TRAF3: variants seen among roughly 807,000 people sequenced by gnomAD.
TRAF3 encodes TNF receptor associated factor 3, also known as TNF receptor-associated factor 3.
A neutral mutation model predicts 62.3 loss-of-function variants in TRAF3; 13 were observed. The ratio of observed to expected loss-of-function variants is 0.21; its 90% confidence interval spans 0.14 to 0.33. TRAF3 has a LOEUF of 0.33. TRAF3 is among the 10% of genes least tolerant of loss of function. TRAF3 has a pLI of 1.00. For missense variants in TRAF3, 440 were observed against 741.8 expected, an observed-to-expected ratio of 0.59 and a Z score of 4.73; for synonymous variants, 269 against 283.4, an observed-to-expected ratio of 0.95 and a Z score of 0.51.
chr14:102,898,919 G>A (rs1890136056), intron 10 of TRAF3, among the ~76,000 whole-genome samples: 2 of 152,248 alleles, frequency 1.3e-5, no homozygotes, highest in Non-Finnish European at 2.9e-5. Context: ...AGGATGGAGT[G>A]GTGACGGCAG....
rs559867214 is a variant in TRAF3, at chr14:102,838,242, G to A, written c.-18+7770G>A. ...AGACCAAATGCATACTGTGTGGCCA[G>A]CACCATTGTAAGTGCTGAGGATACA... is the stretch of plus-strand genomic sequence containing the variant. On this transcript the variant is annotated intron_variant, in intron 2 of 11. Coordinates refer to ENST00000392745, the MANE Select transcript of TRAF3 (RefSeq NM_145725.3). Among the ~76,000 whole-genome samples the A allele has an allele frequency of 6.6e-5, 10 of 152,364 alleles. No homozygotes were observed. The East Asian group carries it at 1.9e-3, about 29-fold the overall frequency.
intron 10 of TRAF3, among the ~76,000 whole-genome samples, chr14:102,901,105 C>G (rs139210894): frequency 2.6e-5 from 4 of 152,298 alleles, no homozygotes; most frequent in African/African-American, 9.6e-5. Context: ...TTTATTTAGT[C>G]GTGCTGGTCT....
In TRAF3 at chr14:102,861,397, G is replaced by A. The variant is rs201386524; in HGVS notation, c.-17-8788G>A. ...TTAGGAAGGACTCTAACCTTCCTAA[G>A]TTGGGCATCAAACCCAAGTTCAGTC... is the stretch of plus-strand genomic sequence containing the variant. On this transcript the variant is annotated intron_variant, in intron 2 of 11. Transcript: ENST00000392745. 5.3e-5 allele frequency among the ~76,000 whole-genome samples: 8 copies of A among 152,340 alleles called. No individual in the cohort carries two copies. In the East Asian group the frequency reaches 1.5e-3, roughly 29 times the overall value.
At chr14:102,883,516 T>A (rs1333339666) in intron 6 of TRAF3, among the ~76,000 whole-genome samples, 1 of 152,152 alleles carries the variant, frequency 6.6e-6, no homozygotes, top group Non-Finnish European at 1.5e-5. Flanking sequence ...AAGATGGATG[T>A]TATCAGTCAT....
At chr14:102,867,527 G>A (rs1888073502) in intron 2 of TRAF3, among the ~76,000 whole-genome samples, 1 of 152,134 alleles carries the variant, frequency 6.6e-6, no homozygotes, top group African/African-American at 2.4e-5. Context: ...GTGGCCTCCT[G>A]GAGAAGGTCG....
intron 2 of TRAF3, among the ~76,000 whole-genome samples, chr14:102,855,112 A>T (rs1887288753): frequency 6.6e-6 from 1 of 152,132 alleles, no homozygotes; most frequent in Non-Finnish European, 1.5e-5. Context: ...CTTCTGACTT[A>T]CTCACTTAGC....
At chr14:102,864,537 A>T (rs556238462) in intron 2 of TRAF3, among the ~76,000 whole-genome samples, 1 of 152,310 alleles carries the variant, frequency 6.6e-6, no homozygotes, top group South Asian at 2.1e-4. Flanking sequence ...TTTACTAGTC[A>T]TAATTTAAAT....
At chr14:102,789,746 TG>T (rs1169910188) in intron 1 of TRAF3, among the ~76,000 whole-genome samples, 1 of 152,144 alleles carries the variant, frequency 6.6e-6, no homozygotes, top group Non-Finnish European at 1.5e-5. Flanking sequence ...ATGTGACTCT[TG>T]GCCATTTGTG....
rs74082969 is a variant in TRAF3 at position 102,909,203 on chromosome 14, A to G, written c.*3419A>G. 5,598 of 152,332 alleles carry G rather than the reference A, an allele frequency of 0.037. 122 individuals carry two copies. The highest frequency in any genetic ancestry group is 0.06 in the Admixed American group (923 of 15,314). The allele number at this position is 152,332 out of a possible 1,614,324, so 9.4% of individuals were successfully genotyped here. On this transcript the variant is annotated 3_prime_UTR_variant, in exon 12 of 12. Coordinates refer to ENST00000392745, the MANE Select transcript of TRAF3 (RefSeq NM_145725.3). ...TTTCAGCTCGCCGTGCTCTGGTGAC[A>G]CACAGGCGGCCAGGTTGGGATTTGT... is the stretch of plus-strand genomic sequence containing the variant.
chr14:102,886,155 T>G lies in TRAF3; in HGVS notation c.571-34T>G, dbSNP rs760500646. 1.9e-6 allele frequency: 3 copies of G among 1,607,720 alleles called. No individual in the cohort carries two copies. In the Admixed American group the frequency reaches 5.0e-5, roughly 27 times the overall value. On this transcript the variant is annotated intron_variant, in intron 6 of 11. Transcript: ENST00000392745. ...CGGGACTGAAGGAAGACAGGTTGTG[T>G]GTTTAAAGTTGATAGTACTTTCTCT...
intron 2 of TRAF3, among the ~76,000 whole-genome samples, chr14:102,858,981 T>TA (rs1446717621): frequency 1.3e-5 from 2 of 152,222 alleles, no homozygotes; most frequent in South Asian, 2.1e-4. Context: ...AAATTTTTGT[T>TA]AAAGAGCAGA....
intron 10 of TRAF3, among the ~76,000 whole-genome samples, chr14:102,902,308 C>T (rs1040552243): frequency 6.6e-6 from 1 of 152,230 alleles, no homozygotes; most frequent in Admixed American, 6.5e-5. Context: ...CTGGGTTTCA[C>T]CTAGGGCCTG....
intron 2 of TRAF3, among the ~76,000 whole-genome samples, chr14:102,838,131 T>A (rs1886140127): frequency 6.6e-6 from 1 of 152,382 alleles, no homozygotes; most frequent in Non-Finnish European, 1.5e-5. Context: ...AGCTGCTGAA[T>A]CTTCGTACTC....
At chr14:102,809,692 G>A (rs559149411) in intron 1 of TRAF3, among the ~76,000 whole-genome samples, 25 of 151,470 alleles carry the variant, frequency 1.7e-4, no homozygotes, top group Non-Finnish European at 2.9e-4. Context: ...CACCACACCC[G>A]GCTAATTTTT....
intron 1 of TRAF3, among the ~76,000 whole-genome samples, chr14:102,779,107 A>G (rs930570521): frequency 2.0e-5 from 3 of 152,180 alleles, no homozygotes; most frequent in Non-Finnish European, 2.9e-5. Context: ...GGTGCTCATG[A>G]CGGAAACCCT....
At chr14:102,834,443 A>G (rs1024607609) in intron 2 of TRAF3, among the ~76,000 whole-genome samples, 1 of 152,104 alleles carries the variant, frequency 6.6e-6, no homozygotes, top group African/African-American at 2.4e-5. Context: ...TCACGCTTGT[A>G]ATCCCAGCAC....
rs1306309350 is a variant in TRAF3, at chr14:102,876,338, T to C, written c.403-20T>C. 1.2e-6 allele frequency: 2 copies of C among 1,613,694 alleles called. No individual in the cohort carries two copies. Among genetic ancestry groups the C allele is most frequent in the African/African-American group, 2.7e-5 (2 of 74,930 alleles). ...AGGGTTTTTTTCCCAATTAAGAACA[T>C]TGAATGGTCTGTCTTACAGGTGCAT... On this transcript the variant is annotated intron_variant, in intron 5 of 11. Transcript: ENST00000392745.
rs1426492864 is a variant in TRAF3, at chr14:102,878,905, TG to T, written c.570+2384del. ...TTGCTGGGGTGGGGGAAGGTTGTAC[TG>T]GGGTGTGCCTGAGGGTGGAGCGGTA... On this transcript the variant is annotated intron_variant, in intron 6 of 11. Transcript: ENST00000392745. Among the ~76,000 whole-genome samples, 4 of 151,750 alleles carry T rather than the reference TG, an allele frequency of 2.6e-5. No individual in the cohort carries two copies. The East Asian group carries it at 7.8e-4, about 30-fold the overall frequency.
In TRAF3 at chr14:102,786,558, A is replaced by T. The variant is rs192999736; in HGVS notation, c.-157+8883A>T. On this transcript the variant is annotated intron_variant, in intron 1 of 11. Transcript: ENST00000392745. ...CAAAATTAGCCGGGCGTGGTGGCAC[A>T]TGCCTGTAATTCCAGCTACTTGGGA... 1.8e-3 allele frequency among the ~76,000 whole-genome samples: 280 copies of T among 152,262 alleles called. 5 individuals are homozygous for T. The highest frequency in any genetic ancestry group is 3.9e-4 in the East Asian group (2 of 5,170).
Sources: allele counts gnomAD v4.1 joint callset (sites outside exome capture counted in the v4.1 genomes callset), GRCh38; gene constraint gnomAD v4.1.1; transcripts MANE v1.5; gene names NCBI Gene and HGNC (gene_info 2026-07-23, HGNC 2026-07-21).